Variants in HTR2A observed in about 807,000 individuals in gnomAD.
The protein encoded by HTR2A is 5-hydroxytryptamine receptor 2A.
HTR2A carries 14 observed loss-of-function variants against 31.0 expected under a neutral mutation model. The observed-to-expected ratio is 0.45, with a 90% CI of 0.30 to 0.71. HTR2A has a LOEUF of 0.71. Ranked by LOEUF, HTR2A falls within the 30% of genes least tolerant of loss-of-function variation. The pLI is 0.09. For missense variants in HTR2A, 442 were observed against 573.3 expected (o/e 0.77, Z 2.34); for synonymous variants, 209 against 225.2 (o/e 0.93, Z 0.64).
chr13:46,885,415 T>C (rs576255043), intron 3 of HTR2A, among the ~76,000 whole-genome samples: 1 of 152,332 alleles, frequency 6.6e-6, no homozygotes, highest in East Asian at 1.9e-4. Context: ...TGTGGTTAAC[T>C]GGGTAAATAA....
chr13:46,834,608 A>C lies in HTR2A; in HGVS notation c.*229T>G. The C allele has an allele frequency of 2.0e-6, 1 of 500,206 alleles. No homozygotes were observed. Among genetic ancestry groups the C allele is most frequent in the Non-Finnish European group, 3.5e-6 (1 of 284,694 alleles). 31.0% of individuals were successfully genotyped at this position (500,206 alleles called of 1,614,324 possible). On this transcript the variant is annotated 3_prime_UTR_variant, in exon 4 of 4. Coordinates refer to ENST00000542664, the MANE Select transcript of HTR2A (RefSeq NM_000621.5). The stretch of plus-strand genomic sequence containing the variant: ...AAAGACATATCATTTACAATGTTAT[A>C]AATAAGTATCAGAAAGCTCACAGCT...
At chr13:46,876,192 A>G (rs1950909149) in intron 3 of HTR2A, among the ~76,000 whole-genome samples, 1 of 151,786 alleles carries the variant, frequency 6.6e-6, no homozygotes, top group African/African-American at 2.4e-5. Flanking sequence ...CCTATTCTCC[A>G]TTTCTACTGT....
chr13:46,876,402 ATATTTT>A (rs1251031002), intron 3 of HTR2A, among the ~76,000 whole-genome samples: 804 of 78,152 alleles, frequency 0.01, 2 homozygotes, highest in African/African-American at 0.012. Context: ...ATATATATAT[ATATTTT>A]TTTTTTTTTT....
intron 3 of HTR2A, among the ~76,000 whole-genome samples, chr13:46,869,094 G>A (rs1038080414): frequency 3.3e-5 from 5 of 152,022 alleles, no homozygotes; most frequent in Non-Finnish European, 5.9e-5. Context: ...ACCGGACTTC[G>A]TCATTATTAA....
In HTR2A at chr13:46,895,624, C is replaced by T. The variant is rs780635453; in HGVS notation, c.283G>A (p.Val95Ile). 5.0e-6 allele frequency: 8 copies of T among 1,614,130 alleles called. No individual in the cohort carries two copies. Among genetic ancestry groups the T allele is most frequent in the South Asian group, 3.3e-5 (3 of 91,084 alleles). Residue 95 changes from valine (V) to isoleucine (I), a missense_variant, in exon 2 of 4, where the codon GTC becomes ATC. By Grantham distance (29) the Val-to-Ile change is conservative (BLOSUM62 3). Transcript: ENST00000542664. This position sits in a 1 kb window ranked among gnomAD's most constrained non-coding sequence, Gnocchi z 4.4. ...IILTIAGNILVIMAVSLEKKL... is the reference protein window; with the variant it reads ...IILTIAGNILIIMAVSLEKKL... ...TTCTCTAGGGACACTGCCATGATGA[C>T]GAGTATGTTTCCAGCAATAGTTAGA...
chr13:46,852,141 C>T (rs1055050727), intron 3 of HTR2A: 5 of 152,350 alleles, frequency 3.3e-5, no homozygotes, highest in Admixed American at 3.3e-4. Flanking sequence ...TATTTTTTCC[C>T]TAGTGCCTCC....
At chr13:46,896,418 C>A (rs1393474665) in intron 1 of HTR2A, among the ~76,000 whole-genome samples, 184 bp from the exon 2 acceptor site, 1 of 152,118 alleles carries the variant, frequency 6.6e-6, no homozygotes, top group East Asian at 1.9e-4. Flanking sequence ...AGTGTTAATC[C>A]CATAGTAATT....
At chr13:46,856,120 A>G (rs1466585096) in intron 3 of HTR2A, 1 of 152,226 alleles carries the variant, frequency 6.6e-6, no homozygotes. Flanking sequence ...CAGTGGGTGG[A>G]GAAGATTCAA....
intron 3 of HTR2A, among the ~76,000 whole-genome samples, chr13:46,839,636 T>C (rs1950583853): frequency 6.6e-6 from 1 of 152,238 alleles, no homozygotes; most frequent in East Asian, 1.9e-4. Context: ...TTTTGTTTAA[T>C]ATATTTTTTC....
At chr13:46,869,980 T>C (rs904811090) in intron 3 of HTR2A, among the ~76,000 whole-genome samples, 2 of 152,148 alleles carry the variant, frequency 1.3e-5, no homozygotes, top group Admixed American at 6.5e-5. Flanking sequence ...ATAGTGGTGA[T>C]GGTAGCACAA....
intron 3 of HTR2A, among the ~76,000 whole-genome samples, chr13:46,854,954 G>A (rs1950720795): frequency 6.6e-6 from 1 of 152,128 alleles, no homozygotes; most frequent in African/African-American, 2.4e-5. Flanking sequence ...CTTATAAAAA[G>A]AGAAAAAATT....
chr13:46,895,374 C>T lies in HTR2A; in HGVS notation c.412+121G>A. 1 of 840,442 alleles carries T rather than the reference C, an allele frequency of 1.2e-6. No homozygotes were observed. 52.1% of individuals were successfully genotyped at this position (840,442 alleles called of 1,614,324 possible). A position where few individuals can be genotyped will look rare whatever the true frequency, so the allele number is the denominator to read the frequency against. ...TATAAGTAACATAGTAGGCTCTAGT[C>T]TATAAACAAAGACTTCTATTTATAG... On this transcript the variant is annotated intron_variant, in intron 2 of 3. Coordinates refer to ENST00000542664, the MANE Select transcript of HTR2A (RefSeq NM_000621.5). This position sits in a 1 kb window ranked among gnomAD's most constrained non-coding sequence, Gnocchi z 4.4.
intron 3 of HTR2A, among the ~76,000 whole-genome samples, chr13:46,843,564 G>T (rs982744741): frequency 6.6e-6 from 1 of 152,130 alleles, no homozygotes; most frequent in Admixed American, 6.5e-5. Context: ...GCCCTAGGAG[G>T]GAAGACATAC....
chr13:46,856,936 G>A (rs545486965), intron 3 of HTR2A, among the ~76,000 whole-genome samples: 89 of 152,238 alleles, frequency 5.8e-4, no homozygotes, highest in African/African-American at 2.1e-3. Flanking sequence ...GTGCTGGGGG[G>A]AGCCCTAGCA....
chr13:46,846,630 A>G (rs1950644824), intron 3 of HTR2A, among the ~76,000 whole-genome samples: 1 of 152,194 alleles, frequency 6.6e-6, no homozygotes, highest in Non-Finnish European at 1.5e-5. Flanking sequence ...GTGGATGGTG[A>G]CAATGAAGTC....
chr13:46,876,232 C>T (rs1950909473), intron 3 of HTR2A, among the ~76,000 whole-genome samples: 2 of 151,946 alleles, frequency 1.3e-5, no homozygotes, highest in Non-Finnish European at 2.9e-5. Context: ...CAAGGTTCAA[C>T]TCAAGCATCT....
intron 3 of HTR2A, among the ~76,000 whole-genome samples, chr13:46,847,472 G>A (rs1950651459): frequency 6.6e-6 from 1 of 152,222 alleles, no homozygotes; most frequent in Non-Finnish European, 1.5e-5. Context: ...TAGGAAGGGT[G>A]TTGCTTGGTA....
At chr13:46,848,792 C>G (rs1399875342) in intron 3 of HTR2A, among the ~76,000 whole-genome samples, 1 of 152,020 alleles carries the variant, frequency 6.6e-6, no homozygotes, top group Admixed American at 6.6e-5. Flanking sequence ...GTTTAGTTAG[C>G]TTTTTCATTG....
chr13:46,835,626 T>C lies in HTR2A; in HGVS notation c.627A>G (p.Pro209=). ...CGTCCTGTAGCCCAAAGACTGGTAT[T>C]GGCATGGATATACCTGGAGTTGAAC... ...VWTISVGISM[P]IPVFGLQDDS... The change falls in exon 4 of 4, where the codon CCA becomes CCG. Residue 209 remains proline, a synonymous_variant. Transcript: ENST00000542664. The C allele has an allele frequency of 3.7e-6, 6 of 1,611,620 alleles. No individual in the cohort carries two copies. Among genetic ancestry groups the C allele is most frequent in the Non-Finnish European group, 2.5e-6 (3 of 1,178,402 alleles).
Sources: gnomAD v4.1 joint callset for allele counts (sites outside exome capture counted in the v4.1 genomes callset) on GRCh38, gnomAD v4.1.1 for gene constraint, Gnocchi (gnomAD v3.1) non-coding constraint, MANE v1.5 for transcripts, NCBI Gene and HGNC (gene_info 2026-07-23, HGNC 2026-07-21) for gene names.